Variants in STAC observed in about 807,000 individuals in gnomAD.
The protein encoded by STAC is SH3 and cysteine-rich domain-containing protein.
A neutral mutation model predicts 48.8 loss-of-function variants in STAC; 43 were observed. That is an observed-to-expected ratio of 0.88 (90% CI 0.69 to 1.14). The LOEUF (loss-of-function observed/expected upper bound fraction) is 1.14, where lower values mean the gene tolerates loss of function less well. STAC is among the 50% of genes most tolerant of loss of function. STAC has a pLI of 0.00. For missense variants in STAC, 497 were observed against 504.0 expected, an observed-to-expected ratio of 0.99 and a Z score of 0.13; for synonymous variants, 193 against 179.5, an observed-to-expected ratio of 1.07 and a Z score of -0.60.
intron 2 of STAC, among the ~76,000 whole-genome samples, chr3:36,463,552 T>A (rs1479547797): frequency 1.3e-5 from 2 of 151,884 alleles, no homozygotes; most frequent in African/African-American, 4.8e-5. Flanking sequence ...GGTACATGTA[T>A]GTGCACATCG....
chr3:36,416,424 G>A (rs1224943874), intron 1 of STAC, among the ~76,000 whole-genome samples: 2 of 152,208 alleles, frequency 1.3e-5, no homozygotes, highest in Non-Finnish European at 2.9e-5. Flanking sequence ...AGTGAGCCAT[G>A]AGCTTGCCAC....
At chr3:36,417,453 A>G (rs1384061179) in intron 1 of STAC, among the ~76,000 whole-genome samples, 1 of 152,124 alleles carries the variant, frequency 6.6e-6, no homozygotes, top group African/African-American at 2.4e-5. Flanking sequence ...TCACACAAAC[A>G]CACACACACG....
At chr3:36,500,195 A>G (rs1232295053) in intron 6 of STAC, among the ~76,000 whole-genome samples, 3 of 152,192 alleles carry the variant, frequency 2.0e-5, no homozygotes, top group Non-Finnish European at 4.4e-5. Context: ...ACTCCATGTA[A>G]CAAGTAGAAG....
chr3:36,451,057 G>A (rs1048934037), intron 2 of STAC, among the ~76,000 whole-genome samples: 8 of 151,970 alleles, frequency 5.3e-5, no homozygotes, highest in Non-Finnish European at 7.4e-5. Context: ...TGCATTTCTT[G>A]CCATGAGTGA....
At chr3:36,522,823 G>A (rs571386085) in intron 8 of STAC, among the ~76,000 whole-genome samples, 25 of 152,280 alleles carry the variant, frequency 1.6e-4, no homozygotes, top group African/African-American at 6.0e-4. Context: ...TCTACTTGGG[G>A]ATTGGAGAGA....
At chr3:36,380,872 C>T (rs996970606) in intron 1 of STAC, 118 bp downstream of exon 1, 1 of 600,858 alleles carries the variant, frequency 1.7e-6, no homozygotes. Flanking sequence ...CTAGTTAGCC[C>T]AGGGCTGTAG....
intron 1 of STAC, among the ~76,000 whole-genome samples, chr3:36,395,221 A>G (rs1036334670): frequency 2.3e-4 from 35 of 152,190 alleles, no homozygotes; most frequent in Admixed American, 2.2e-3. Context: ...AAAGTTGAAG[A>G]GGTCAGATGA....
At chr3:36,452,655 A>G (rs1364423758) in intron 2 of STAC, among the ~76,000 whole-genome samples, 1 of 152,270 alleles carries the variant, frequency 6.6e-6, no homozygotes, top group Non-Finnish European at 1.5e-5. Flanking sequence ...TTAAGAAGGT[A>G]GAATTGCAGA....
At chr3:36,437,527 C>T (rs1696180218) in intron 1 of STAC, among the ~76,000 whole-genome samples, 1 of 147,008 alleles carries the variant, frequency 6.8e-6, no homozygotes, top group African/African-American at 2.5e-5. Context: ...ACCGCAAGGA[C>T]AAAAAAACCA....
intron 1 of STAC, among the ~76,000 whole-genome samples, chr3:36,387,776 G>A (rs1699649225): frequency 6.6e-6 from 1 of 152,178 alleles, no homozygotes; most frequent in South Asian, 2.1e-4. Flanking sequence ...TAGCTACTCT[G>A]AATAATGCTG....
chr3:36,503,726 C>T (rs1338214832), intron 6 of STAC, among the ~76,000 whole-genome samples: 1 of 152,086 alleles, frequency 6.6e-6, no homozygotes, highest in Non-Finnish European at 1.5e-5. Context: ...AGCCACCGTG[C>T]CCAGCCTTCC....
chr3:36,436,976 G>C (rs1700849688), intron 1 of STAC, among the ~76,000 whole-genome samples: 1 of 151,650 alleles, frequency 6.6e-6, no homozygotes, highest in Non-Finnish European at 1.5e-5. Context: ...GACATGAACA[G>C]ACACTTCTCA....
intron 5 of STAC, among the ~76,000 whole-genome samples, chr3:36,492,687 T>G (rs2125706485): frequency 1.3e-5 from 2 of 152,372 alleles, no homozygotes; most frequent in East Asian, 3.9e-4. Flanking sequence ...AAACAATTAA[T>G]TTTGCAGCAG....
intron 1 of STAC, among the ~76,000 whole-genome samples, chr3:36,382,414 G>T (rs191838800): frequency 6.6e-6 from 1 of 152,276 alleles, no homozygotes; most frequent in Admixed American, 6.5e-5. Flanking sequence ...AAATTATTTG[G>T]CAGAGCAAAA....
intron 10 of STAC, among the ~76,000 whole-genome samples, chr3:36,533,502 T>C (rs913325942): frequency 2.1e-3 from 155 of 72,264 alleles, no homozygotes; most frequent in African/African-American, 8.9e-3. Flanking sequence ...TTTTTTTTTT[T>C]CAGAATAATC....
Position 36,417,113 on chromosome 3 carries a change from G to T in STAC, c.112-26251G>T, listed in dbSNP as rs528698067. ...TCTGCGGCCCCACAGCCTCCAGTGT[G>T]CCCCAAACTGGCATTGCTGCATAAA... On this transcript the variant is annotated intron_variant, in intron 1 of 10. Coordinates refer to ENST00000273183, the MANE Select transcript of STAC (RefSeq NM_003149.3). Among the ~76,000 whole-genome samples the T allele has an allele frequency of 2.0e-5, 3 of 152,224 alleles. No homozygotes were observed. The East Asian group carries it at 5.8e-4, about 29-fold the overall frequency.
At chr3:36,477,220 A>G (rs910682257) in intron 2 of STAC, among the ~76,000 whole-genome samples, 3 of 152,178 alleles carry the variant, frequency 2.0e-5, no homozygotes, top group African/African-American at 7.2e-5. Flanking sequence ...ATTAACAAGA[A>G]TTTTAACTGT....
At chr3:36,461,777 T>C (rs1005914743) in intron 2 of STAC, among the ~76,000 whole-genome samples, 1 of 152,136 alleles carries the variant, frequency 6.6e-6, no homozygotes, top group Non-Finnish European at 1.5e-5. Flanking sequence ...AAGCAGAGCA[T>C]ACTTGGTGTC....
intron 1 of STAC, among the ~76,000 whole-genome samples, chr3:36,384,752 C>T (rs1187204132): frequency 6.6e-6 from 1 of 152,094 alleles, no homozygotes; most frequent in African/African-American, 2.4e-5. Flanking sequence ...CCACCCAGTG[C>T]CCTAGTGGAG....
Sources: allele counts gnomAD v4.1 joint callset (sites outside exome capture counted in the v4.1 genomes callset), GRCh38; gene constraint gnomAD v4.1.1; transcripts MANE v1.5; gene names NCBI Gene and HGNC (gene_info 2026-07-23, HGNC 2026-07-21).